Variants in GRIP1 observed in about 807,000 individuals in gnomAD.
The protein encoded by GRIP1 is glutamate receptor-interacting protein 1.
GRIP1 carries 45 observed loss-of-function variants against 129.9 expected under a neutral mutation model. The ratio of observed to expected loss-of-function variants is 0.35; its 90% confidence interval spans 0.27 to 0.44. GRIP1 has a LOEUF of 0.44. Ranked by LOEUF, GRIP1 falls within the 20% of genes least tolerant of loss-of-function variation. The probability of loss-of-function intolerance (pLI) is 1.00; values close to 1 mark genes in which losing one functional copy is unlikely to be tolerated. For missense variants in GRIP1, 1,196 were observed against 1,396.8 expected (o/e 0.86, Z 2.29); for synonymous variants, 530 against 520.8 (o/e 1.02, Z -0.24).
chr12:66,916,357 G>T (rs1423887196), intron 1 of GRIP1, among the ~76,000 whole-genome samples: 1 of 152,108 alleles, frequency 6.6e-6, no homozygotes, highest in Admixed American at 6.5e-5. Context: ...TTTGAGAGAA[G>T]AACCTGGTGT....
intron 1 of GRIP1, among the ~76,000 whole-genome samples, chr12:66,817,933 G>A (rs1383869834): frequency 1.3e-5 from 2 of 152,158 alleles, no homozygotes; most frequent in Non-Finnish European, 1.5e-5. Context: ...GTTGCAATAT[G>A]TTATTTGAAC....
intron 1 of GRIP1, among the ~76,000 whole-genome samples, chr12:66,957,035 C>T (rs533273975): frequency 3.6e-3 from 551 of 152,186 alleles, no homozygotes; most frequent in Middle Eastern, 0.017. Context: ...ACTGTGTCCC[C>T]CACAAAATTC....
chr12:66,929,593 C>T (rs1356845009), intron 1 of GRIP1, among the ~76,000 whole-genome samples: 3 of 152,158 alleles, frequency 2.0e-5, no homozygotes, highest in Admixed American at 6.5e-5. Context: ...CATATCTCTC[C>T]GTCCTGATCC....
chr12:66,523,182 C>T (rs1281756511), intron 5 of GRIP1, among the ~76,000 whole-genome samples: 1 of 151,110 alleles, frequency 6.6e-6, no homozygotes, highest in South Asian at 2.1e-4. Flanking sequence ...CAGAGAACAC[C>T]ACAAAGATAC....
chr12:66,722,677 G>A (rs975438839), intron 1 of GRIP1, among the ~76,000 whole-genome samples: 1 of 152,090 alleles, frequency 6.6e-6, no homozygotes, highest in Non-Finnish European at 1.5e-5. Context: ...ATAAAATGAG[G>A]GATGCCTGTA....
At chr12:66,403,748 T>C (rs1339991158) in intron 16 of GRIP1, among the ~76,000 whole-genome samples, 1 of 152,150 alleles carries the variant, frequency 6.6e-6, no homozygotes, top group Non-Finnish European at 1.5e-5. Context: ...ATCATAATAG[T>C]ATACATAGAG....
At chr12:66,354,486 C>T (rs997911545) in intron 23 of GRIP1, among the ~76,000 whole-genome samples, 4 of 152,170 alleles carry the variant, frequency 2.6e-5, no homozygotes, top group African/African-American at 4.8e-5. Context: ...AAGCTCTCAC[C>T]GCACTGGGCA....
In GRIP1 at chr12:67,019,317, G is replaced by A. The variant is rs10506540; in HGVS notation, c.58+49733C>T. Among the ~76,000 whole-genome samples the A allele has an allele frequency of 2.6e-3, 390 of 152,204 alleles. 3 individuals are homozygous for A. The highest frequency in any genetic ancestry group is 8.9e-3 in the African/African-American group (368 of 41,560). ...GTTAGGACCTCAGGAGGCCTGCATGGTGCCAAGATGTAAATACGGACGCTT... is the reference window on the plus strand; with the variant it reads ...GTTAGGACCTCAGGAGGCCTGCATGATGCCAAGATGTAAATACGGACGCTT... On this transcript the variant is annotated intron_variant, in intron 1 of 1. Coordinates refer to the GRIP1 transcript ENST00000643019.
intron 1 of GRIP1, among the ~76,000 whole-genome samples, chr12:66,843,786 A>G (rs1921005): frequency 0.96 from 146,788 of 152,194 alleles, 71,030 homozygotes; most frequent in East Asian, 1. Flanking sequence ...ACCTTACACC[A>G]TATATAAAAA....
chr12:66,909,237 T>G (rs1592946179), intron 1 of GRIP1, among the ~76,000 whole-genome samples: 1 of 152,214 alleles, frequency 6.6e-6, no homozygotes, highest in African/African-American at 2.4e-5. Context: ...CTCCTAGTAC[T>G]TTCCTCACCT....
intron 1 of GRIP1, among the ~76,000 whole-genome samples, chr12:66,997,918 A>G (rs940362019): frequency 1.3e-5 from 2 of 152,196 alleles, no homozygotes; most frequent in Admixed American, 6.6e-5. Context: ...CAAAACCTGG[A>G]AAAGGGCTGT....
At chr12:66,954,950 C>T (rs1388724859) in intron 1 of GRIP1, among the ~76,000 whole-genome samples, 3 of 152,242 alleles carry the variant, frequency 2.0e-5, no homozygotes, top group Non-Finnish European at 4.4e-5. Flanking sequence ...AAGAGGGTGG[C>T]CGCAGAAGGC....
intron 1 of GRIP1, among the ~76,000 whole-genome samples, chr12:66,760,692 C>A (rs2037447787): frequency 6.6e-6 from 1 of 152,060 alleles, no homozygotes; most frequent in African/African-American, 2.4e-5. Context: ...CAAACCCTAT[C>A]ACAAGAAATA....
At chr12:66,656,108 T>G (rs2136169277) in intron 1 of GRIP1, among the ~76,000 whole-genome samples, 1 of 152,322 alleles carries the variant, frequency 6.6e-6, no homozygotes, top group Admixed American at 6.5e-5. Context: ...CTGAGGTTTT[T>G]GAGAGCAATG....
rs1038711113 is a variant in GRIP1 at position 66,759,568 on chromosome 12, G to A, written c.-420+44485C>T. 3.9e-5 allele frequency among the ~76,000 whole-genome samples: 6 copies of A among 152,186 alleles called. No homozygotes were observed. In the East Asian group the frequency reaches 1.2e-3, roughly 29 times the overall value. On this transcript the variant is annotated intron_variant, in intron 1 of 4. Coordinates refer to the GRIP1 transcript ENST00000538373. ...GTCTTTTCTACTGCATCATCAGGCT[G>A]CAAATTTTCTGAACTATTATGCTCT...
chr12:66,615,939 C>G (rs1033137234), intron 1 of GRIP1, among the ~76,000 whole-genome samples: 1 of 152,202 alleles, frequency 6.6e-6, no homozygotes, highest in African/African-American at 2.4e-5. Flanking sequence ...GCCACTGCAT[C>G]TGGCCTTAAA....
chr12:66,438,097 T>C (rs1462515960), intron 13 of GRIP1, among the ~76,000 whole-genome samples: 2 of 152,240 alleles, frequency 1.3e-5, no homozygotes, highest in Non-Finnish European at 2.9e-5. Flanking sequence ...TTATTGTACA[T>C]TCTGGGGTTG....
chr12:66,531,676 C>A (rs59554221), intron 4 of GRIP1, among the ~76,000 whole-genome samples: 22,364 of 151,996 alleles, frequency 0.15, 1,791 homozygotes, highest in African/African-American at 0.21. Flanking sequence ...ACAGTACTCA[C>A]AAACAGATGA....
At chr12:66,542,182 A>T (rs1438031034) in intron 2 of GRIP1, among the ~76,000 whole-genome samples, 1 of 73,064 alleles carries the variant, frequency 1.4e-5, no homozygotes, top group African/African-American at 7.7e-5. Context: ...CTCCAGGTTG[A>T]CAATAGTCCA....
Sources: allele counts gnomAD v4.1 joint callset (sites outside exome capture counted in the v4.1 genomes callset), GRCh38; gene constraint gnomAD v4.1.1; transcripts MANE v1.5; gene names NCBI Gene and HGNC (gene_info 2026-07-23, HGNC 2026-07-21).